CAMK1G: variants seen among roughly 807,000 people sequenced by gnomAD.
The protein encoded by CAMK1G is calcium/calmodulin dependent protein kinase IG.
In CAMK1G, 27 loss-of-function variants were observed where a neutral mutation model predicts 54.8. The ratio of observed to expected loss-of-function variants is 0.49; its 90% CI spans 0.36 to 0.68. The LOEUF is 0.68. CAMK1G is among the 30% of genes least tolerant of loss of function. The pLI, the probability that CAMK1G is intolerant of heterozygous loss-of-function variation, is 0.00. For missense variants in CAMK1G, 512 were observed against 591.0 expected (o/e 0.87, Z 1.39); for synonymous variants, 238 against 224.9 (o/e 1.06, Z -0.52).
intron 1 of CAMK1G, among the ~76,000 whole-genome samples, chr1:209,585,683 T>C (rs1665078404): frequency 6.6e-6 from 1 of 152,248 alleles, no homozygotes; most frequent in Admixed American, 6.5e-5. Context: ...GGAGCGATTC[T>C]ACCTGGAAGT....
intron 8 of CAMK1G, among the ~76,000 whole-genome samples, 195 bp from the exon 9 acceptor site, chr1:209,609,656 T>G (rs1287756258): frequency 6.6e-6 from 1 of 152,200 alleles, no homozygotes; most frequent in Non-Finnish European, 1.5e-5. Context: ...GGCTTGGAGC[T>G]TCCCTTCTTT....
intron 2 of CAMK1G, among the ~76,000 whole-genome samples, chr1:209,598,000 A>G (rs931025866): frequency 2.6e-5 from 4 of 152,222 alleles, no homozygotes; most frequent in African/African-American, 9.6e-5. Context: ...TGTGAATCAG[A>G]TACTATTGAT....
intron 2 of CAMK1G, among the ~76,000 whole-genome samples, 178 bp from the exon 3 acceptor site, chr1:209,599,805 C>A (rs1468437042): frequency 1.3e-5 from 2 of 152,162 alleles, no homozygotes; most frequent in Non-Finnish European, 2.9e-5. Context: ...ACAGGTTCCC[C>A]CCTTCCCTTT....
At chr1:209,590,492 T>C (rs1055302031) in intron 1 of CAMK1G, among the ~76,000 whole-genome samples, 5 of 152,226 alleles carry the variant, frequency 3.3e-5, no homozygotes, top group Admixed American at 6.5e-5. Context: ...TGTTTTCTCA[T>C]AGCCTAGCTT....
At chr1:209,599,365 A>G (rs1231531097) in intron 2 of CAMK1G, among the ~76,000 whole-genome samples, 3 of 152,242 alleles carry the variant, frequency 2.0e-5, no homozygotes, top group Non-Finnish European at 4.4e-5. Flanking sequence ...TAAGAATGGT[A>G]GAAAGAATTT....
Position 209,613,358 on chromosome 1 carries a change from C to T in CAMK1G, c.*356C>T, listed in dbSNP as rs142658637. On this transcript the variant is annotated 3_prime_UTR_variant, in exon 13 of 13. Coordinates refer to ENST00000361322, the MANE Select transcript of CAMK1G (RefSeq NM_020439.3). ...TCTCGCCTGGGTCTGTGCTGTTTGT[C>T]GTGAAAAGCTTAATGGGCTGGCCAG... 74 of 157,282 alleles carry T rather than the reference C, an allele frequency of 4.7e-4. No homozygotes were observed. The highest frequency in any genetic ancestry group is 1.7e-3 in the African/African-American group (71 of 41,754). The allele number at this position is 157,282 out of a possible 1,614,324, so 9.7% of individuals were successfully genotyped here.
intron 2 of CAMK1G, 149 bp downstream of exon 2, chr1:209,595,224 G>T: frequency 1.6e-6 from 1 of 608,200 alleles, no homozygotes. Context: ...GGAGAGTTTT[G>T]TGGCCTGGAG....
At chr1:209,593,542 G>A (rs1378864702) in intron 1 of CAMK1G, among the ~76,000 whole-genome samples, 1 of 152,050 alleles carries the variant, frequency 6.6e-6, no homozygotes, top group Non-Finnish European at 1.5e-5. Context: ...CCAAAAACAT[G>A]TTTCTCTCTA....
chr1:209,598,461 T>C (rs1665442256), intron 2 of CAMK1G, among the ~76,000 whole-genome samples: 1 of 152,222 alleles, frequency 6.6e-6, no homozygotes, highest in South Asian at 2.1e-4. Flanking sequence ...GTGGCATGAA[T>C]TGACTCTGTA....
intron 7 of CAMK1G, 63 bp downstream of exon 7, chr1:209,607,996 G>T (rs368550163): frequency 7.6e-7 from 1 of 1,316,256 alleles, no homozygotes; most frequent in African/African-American, 1.5e-5. Context: ...ACCCCTTCTC[G>T]TTCCCTCCCC....
intron 3 of CAMK1G, 86 bp downstream of exon 3, chr1:209,600,197 T>C: frequency 7.4e-6 from 11 of 1,494,814 alleles, no homozygotes; most frequent in Non-Finnish European, 1.0e-5. Flanking sequence ...TAGGACTGGA[T>C]TTCTGCACCC....
At position 209,612,898 on chromosome 1, in the gene CAMK1G, C is replaced by T. The variant is rs1433899287; in HGVS notation, c.*23C>T. The T allele has an allele frequency of 6.6e-6, 10 of 1,519,556 alleles. No individual in the cohort carries two copies. Among genetic ancestry groups the T allele is most frequent in the Middle Eastern group, 1.7e-4 (1 of 5,818 alleles). 94.1% of individuals were successfully genotyped at this position (1,519,556 alleles called of 1,614,324 possible). ...TGATTCCTGGAGCCTGTGCCTATGT[C>T]ACTGCAATTTTCAGGTTAGGAGGGT... On this transcript the variant is annotated 3_prime_UTR_variant, in exon 12 of 13. Coordinates refer to ENST00000361322, the MANE Select transcript of CAMK1G (RefSeq NM_020439.3).
In CAMK1G at chr1:209,586,305, G is replaced by A. The variant is rs77189715; in HGVS notation, c.-30+2533G>A. ...CTCCTTAGAAAAGTGCCCCAGTGGA[G>A]ACCTGCATATCACCTGTGAAAAAAA... On this transcript the variant is annotated intron_variant, in intron 1 of 12. Transcript: ENST00000361322. Among the ~76,000 whole-genome samples the A allele has an allele frequency of 4.3e-4, 65 of 151,260 alleles. 3 individuals carry two copies. The East Asian group carries it at 0.012, about 29-fold the overall frequency.
At position 209,609,012 on chromosome 1, in the gene CAMK1G, C is replaced by T. The variant is rs199812064; in HGVS notation, c.668C>T (p.Thr223Met). Residue 223 changes from threonine to methionine, a missense_variant, in exon 8 of 13, where the codon ACG becomes ATG. This residue lies in a region of CAMK1G where 315 missense variants were observed against 330.5 expected (regional missense o/e 0.95). Transcript: ENST00000361322. ...LCGYPPFYEETESKLFEKIKE... is the reference protein window; with the variant it reads ...LCGYPPFYEEMESKLFEKIKE... ...GGATACCCCCCATTCTATGAAGAAA[C>T]GGAGTCTAAGCTTTTCGAGAAGATC... 7.4e-5 allele frequency: 119 copies of T among 1,613,970 alleles called. No individual in the cohort carries two copies. The highest frequency in any genetic ancestry group is 1.6e-4 in the Middle Eastern group (1 of 6,084).
chr1:209,584,459 G>C (rs1431851543), intron 1 of CAMK1G, among the ~76,000 whole-genome samples: 1 of 152,086 alleles, frequency 6.6e-6, no homozygotes, highest in African/African-American at 2.4e-5. Context: ...ACCTTCCCCA[G>C]GGGCGCGTCT....
chr1:209,589,674 A>G (rs1308867355), intron 1 of CAMK1G, among the ~76,000 whole-genome samples: 1 of 152,200 alleles, frequency 6.6e-6, no homozygotes, highest in East Asian at 1.9e-4. Context: ...TTCAAAGATG[A>G]GTAATACATG....
At chr1:209,602,572 T>C (rs1386977986) in intron 3 of CAMK1G, among the ~76,000 whole-genome samples, 2 of 152,132 alleles carry the variant, frequency 1.3e-5, no homozygotes, top group Non-Finnish European at 2.9e-5. Context: ...ATGCCACAAA[T>C]AGAAAATTCC....
At chr1:209,609,993 A>T (rs1346649028) in intron 9 of CAMK1G, 64 bp downstream of exon 9, 44 of 1,268,318 alleles carry the variant, frequency 3.5e-5, no homozygotes, top group Non-Finnish European at 4.9e-5. Context: ...ATGCTGACTC[A>T]TTCATATTGC....
chr1:209,612,461 C>T (rs1284361593), intron 11 of CAMK1G, among the ~76,000 whole-genome samples: 1 of 152,160 alleles, frequency 6.6e-6, no homozygotes, highest in African/African-American at 2.4e-5. Context: ...GGGTTGAAGT[C>T]TATTTACCCA....
Sources: allele counts gnomAD v4.1 joint callset (sites outside exome capture counted in the v4.1 genomes callset), GRCh38; gene constraint gnomAD v4.1.1; regional missense constraint gnomAD v4.1.1; transcripts MANE v1.5; gene names NCBI Gene and HGNC (gene_info 2026-07-23, HGNC 2026-07-21).